The following GRID1 variants were observed in gnomAD, a reference collection of about 807,000 sequenced individuals.
The protein encoded by GRID1 is glutamate receptor ionotropic, delta-1.
A neutral mutation model predicts 98.0 loss-of-function variants in GRID1; 28 were observed. That is an observed-to-expected ratio of 0.29 (90% confidence interval 0.21 to 0.39). The LOEUF is 0.39. Among genes scored for constraint, GRID1 ranks in the 10% least tolerant of loss-of-function variants. The pLI is 1.00. For synonymous variants in GRID1, 553 were observed against 538.5 expected (o/e 1.03, Z -0.37); for missense variants, 1,111 against 1,340.5 (o/e 0.83, Z 2.67).
intron 3 of GRID1, among the ~76,000 whole-genome samples, chr10:86,172,687 A>G (rs918668855): frequency 6.6e-6 from 1 of 152,230 alleles, no homozygotes; most frequent in Non-Finnish European, 1.5e-5. Flanking sequence ...ATATTTGCTC[A>G]TTACTTATCC....
chr10:86,040,242 G>A (rs1843326994), intron 4 of GRID1, among the ~76,000 whole-genome samples: 1 of 151,924 alleles, frequency 6.6e-6, no homozygotes, highest in Admixed American at 6.6e-5. Context: ...CCAACTACAG[G>A]GTATATATCC....
chr10:85,813,462 GA>G (rs34014297), intron 8 of GRID1, among the ~76,000 whole-genome samples: 10,501 of 134,118 alleles, frequency 0.078, 392 homozygotes, highest in East Asian at 0.092. Flanking sequence ...GTGAAACGCT[GA>G]AAAAAAAAAA....
At chr10:85,831,607 T>C (rs1030029410) in intron 8 of GRID1, among the ~76,000 whole-genome samples, 1 of 152,000 alleles carries the variant, frequency 6.6e-6, no homozygotes. Flanking sequence ...CATTTACAAA[T>C]TTGCTGATCA....
At chr10:85,716,818 T>C (rs1003618781) in intron 12 of GRID1, among the ~76,000 whole-genome samples, 4 of 151,638 alleles carry the variant, frequency 2.6e-5, no homozygotes, top group Non-Finnish European at 4.4e-5. Flanking sequence ...TTAACTCAAA[T>C]ATTATATTAT....
intron 8 of GRID1, among the ~76,000 whole-genome samples, chr10:85,743,105 G>GACCCCC (rs1841961027): frequency 1.2e-5 from 1 of 82,672 alleles, no homozygotes; most frequent in Non-Finnish European, 2.4e-5. Context: ...GAATTATGCA[G>GACCCCC]CCCCCCCCCC....
At chr10:85,777,921 T>C (rs913001235) in intron 8 of GRID1, among the ~76,000 whole-genome samples, 4 of 152,192 alleles carry the variant, frequency 2.6e-5, no homozygotes, top group African/African-American at 9.7e-5. Context: ...GGGGATGATA[T>C]TGAGGAAAGA....
chr10:86,157,522 G>C (rs1193882362), intron 3 of GRID1, among the ~76,000 whole-genome samples: 2 of 152,182 alleles, frequency 1.3e-5, no homozygotes, highest in Non-Finnish European at 2.9e-5. Context: ...TTCTAGTGGA[G>C]TGACAAATGG....
chr10:86,133,864 T>A (rs1249463805), intron 4 of GRID1, among the ~76,000 whole-genome samples: 1 of 152,218 alleles, frequency 6.6e-6, no homozygotes, highest in African/African-American at 2.4e-5. Context: ...CTGGGCAGGC[T>A]GCCCCGCCTC....
intron 2 of GRID1, among the ~76,000 whole-genome samples, chr10:86,248,897 A>G (rs886859213): frequency 6.6e-6 from 1 of 152,140 alleles, no homozygotes; most frequent in Admixed American, 6.5e-5. Flanking sequence ...TGCTATCAAG[A>G]TTGAAGGAGC....
intron 5 of GRID1, among the ~76,000 whole-genome samples, chr10:85,907,524 A>G (rs1335703303): frequency 1.3e-5 from 2 of 152,236 alleles, no homozygotes. Context: ...CATAAATTTA[A>G]TTTGTAGTTA....
At chr10:86,221,519 G>A (rs1846254463) in intron 2 of GRID1, among the ~76,000 whole-genome samples, 1 of 152,146 alleles carries the variant, frequency 6.6e-6, no homozygotes, top group African/African-American at 2.4e-5. Context: ...GGGAGTGGTG[G>A]AGGTCCAGCA....
chr10:86,139,439 T>C (rs1379492104), intron 3 of GRID1, among the ~76,000 whole-genome samples: 1 of 152,156 alleles, frequency 6.6e-6, no homozygotes, highest in East Asian at 1.9e-4. Flanking sequence ...AGACCAACCA[T>C]GGCCAGCTGA....
In GRID1 at chr10:86,108,892, C is replaced by T. The variant is rs75727204; in HGVS notation, c.726+29927G>A. ...TGAGTTGTCTTAGGGCAGACCCCAC[C>T]GAGGTTGGCTATCATAAGTGCCCAC... On this transcript the variant is annotated intron_variant, in intron 4 of 15. Transcript: ENST00000327946. Among the ~76,000 whole-genome samples, 841 of 152,274 alleles carry T rather than the reference C, an allele frequency of 5.5e-3. 20 individuals are homozygous for T. The East Asian group carries it at 0.077, about 14-fold the overall frequency.
At chr10:85,801,592 C>T (rs1366623340) in intron 8 of GRID1, among the ~76,000 whole-genome samples, 1 of 151,318 alleles carries the variant, frequency 6.6e-6, no homozygotes, top group African/African-American at 2.4e-5. Flanking sequence ...GAAAACTTTC[C>T]ATAATATTTA....
chr10:85,733,545 TAGAA>T (rs1173030591), intron 8 of GRID1, among the ~76,000 whole-genome samples: 4 of 152,150 alleles, frequency 2.6e-5, no homozygotes, highest in African/African-American at 7.2e-5. Flanking sequence ...GCTTGAAACA[TAGAA>T]AGAGTCAACA....
chr10:85,860,025 A>T (rs774402530), intron 6 of GRID1, among the ~76,000 whole-genome samples: 9 of 152,184 alleles, frequency 5.9e-5, no homozygotes, highest in Non-Finnish European at 2.9e-5. Flanking sequence ...CAAGCCCCTG[A>T]GAAGGAAGTC....
intron 2 of GRID1, among the ~76,000 whole-genome samples, chr10:86,346,167 T>C (rs1443755106): frequency 6.6e-6 from 1 of 152,182 alleles, no homozygotes. Context: ...GACACGCTGC[T>C]GGGTGTGGCC....
At chr10:86,027,042 G>C (rs1394267432) in intron 4 of GRID1, among the ~76,000 whole-genome samples, 1 of 152,220 alleles carries the variant, frequency 6.6e-6, no homozygotes, top group African/African-American at 2.4e-5. Flanking sequence ...AGAAGGAGCA[G>C]CCTGTCTTGA....
intron 2 of GRID1, among the ~76,000 whole-genome samples, chr10:86,293,825 G>A (rs1847550542): frequency 6.6e-6 from 1 of 152,202 alleles, no homozygotes; most frequent in Non-Finnish European, 1.5e-5. Flanking sequence ...CGCTGTCTCT[G>A]GTCCAGGCAC....
Sources: allele counts gnomAD v4.1 joint callset (sites outside exome capture counted in the v4.1 genomes callset), GRCh38; gene constraint gnomAD v4.1.1; transcripts MANE v1.5; gene names NCBI Gene and HGNC (gene_info 2026-07-23, HGNC 2026-07-21).